Variants in OR3A2 observed in about 807,000 individuals in gnomAD.
The protein encoded by OR3A2 is olfactory receptor 3A2.
For synonymous variants in OR3A2, 126 were observed against 159.3 expected (o/e 0.79, Z 1.57); for missense variants, 318 against 392.8 (o/e 0.81, Z 1.61).
rs142406764 is a variant in OR3A2, at chr17:3,320,802, T to A, written c.-85+15231A>T. Among the ~76,000 whole-genome samples, 1,358 of 152,202 alleles carry A rather than the reference T, an allele frequency of 8.9e-3. 23 individuals carry two copies. Among genetic ancestry groups the A allele is most frequent in the African/African-American group, 0.031 (1,293 of 41,528 alleles). ...TGTAGCCTTGCAGTATAGTTGGAAGTCAGGTAGTGTGATGCCTCCAGCTTT... is the reference window on the plus strand; with the variant it reads ...TGTAGCCTTGCAGTATAGTTGGAAGACAGGTAGTGTGATGCCTCCAGCTTT... On this transcript the variant is annotated intron_variant, in intron 3 of 4. Transcript: ENST00000573491.
chr17:3,315,025 T>C (rs1037691173), intron 3 of OR3A2, among the ~76,000 whole-genome samples: 7 of 152,238 alleles, frequency 4.6e-5, no homozygotes, highest in African/African-American at 1.7e-4. Context: ...TTTCATTCCT[T>C]TTTATGGCTG....
chr17:3,341,663 G>A (rs2049320031), intron 2 of OR3A2, among the ~76,000 whole-genome samples: 1 of 152,160 alleles, frequency 6.6e-6, no homozygotes, highest in South Asian at 2.1e-4. Context: ...CCCTTTGTGG[G>A]TAACCCGACC....
At chr17:3,350,586 C>T (rs904725585) in intron 2 of OR3A2, among the ~76,000 whole-genome samples, 1 of 150,340 alleles carries the variant, frequency 6.7e-6, no homozygotes. Flanking sequence ...GGATTCACAG[C>T]CGAATTCTAC....
chr17:3,330,020 T>C (rs571776632), intron 3 of OR3A2, among the ~76,000 whole-genome samples: 2 of 147,206 alleles, frequency 1.4e-5, no homozygotes, highest in East Asian at 1.9e-4. Flanking sequence ...AGTTGAGCGG[T>C]TTTGAGTGAG....
At chr17:3,373,226 C>T (rs939205360) in intron 2 of OR3A2, among the ~76,000 whole-genome samples, 2 of 152,078 alleles carry the variant, frequency 1.3e-5, no homozygotes, top group African/African-American at 4.8e-5. Flanking sequence ...TGTGGTCGAT[C>T]TTGGAGAATG....
At chr17:3,277,907 C>G in exon 2 of OR3A2, 1 of 1,507,636 alleles carries the variant, frequency 6.6e-7, no homozygotes, top group Non-Finnish European at 8.9e-7. Flanking sequence ...TTCCTGGTTA[C>G]TGTCTTCATG....
rs564631161 is a variant in OR3A2 at position 3,360,369 on chromosome 17, C to G, written c.-179+23435G>C. On this transcript the variant is annotated intron_variant, in intron 2 of 4. Coordinates refer to the OR3A2 transcript ENST00000573491. ...AAATTTTCTCCTATTCTGTAGGTTG[C>G]CTGTTCACCCTGATGGTAGTTTCTT... 6.6e-5 allele frequency among the ~76,000 whole-genome samples: 10 copies of G among 151,698 alleles called. No individual in the cohort carries two copies. The South Asian group carries it at 1.5e-3, about 22-fold the overall frequency.
intron 1 of OR3A2, among the ~76,000 whole-genome samples, chr17:3,281,467 C>G (rs949438484): frequency 6.6e-6 from 1 of 152,016 alleles, no homozygotes; most frequent in South Asian, 2.1e-4. Flanking sequence ...ATCTCTTGAC[C>G]TTGTGATCCA....
rs139581087 is a variant in OR3A2, at chr17:3,379,245, A to C, written c.-179+4559T>G. Among the ~76,000 whole-genome samples, 578 of 152,306 alleles carry C rather than the reference A, an allele frequency of 3.8e-3. 5 individuals are homozygous for C. The highest frequency in any genetic ancestry group is 0.013 in the African/African-American group (551 of 41,568). ...GAGAGAACAAGACTGTCCTCAGGAG[A>C]AACTGGTCCAGCCTGGGAAGTTAGG... On this transcript the variant is annotated intron_variant, in intron 2 of 4. Coordinates refer to the OR3A2 transcript ENST00000573491.
At chr17:3,306,432 C>T (rs9915006) in intron 3 of OR3A2, among the ~76,000 whole-genome samples, 25,200 of 151,908 alleles carry the variant, frequency 0.17, 2,976 homozygotes, top group African/African-American at 0.33. Flanking sequence ...CACAAGCCAC[C>T]GCATCCAGCC....
At chr17:3,334,117 G>A (rs892120188) in intron 3 of OR3A2, among the ~76,000 whole-genome samples, 1 of 152,164 alleles carries the variant, frequency 6.6e-6, no homozygotes, top group Non-Finnish European at 1.5e-5. Context: ...AGATGCTGGC[G>A]AGGTTGCAGA....
At chr17:3,379,617 G>A (rs923282843) in intron 2 of OR3A2, among the ~76,000 whole-genome samples, 5 of 152,124 alleles carry the variant, frequency 3.3e-5, no homozygotes, top group African/African-American at 7.2e-5. Context: ...AAGGGCACCC[G>A]CAGCTCCACT....
At chr17:3,376,987 CATG>C (rs1220949167) in intron 2 of OR3A2, among the ~76,000 whole-genome samples, 2 of 152,214 alleles carry the variant, frequency 1.3e-5, no homozygotes, top group Non-Finnish European at 2.9e-5. Context: ...CCTTCTCTCC[CATG>C]ATCTGATTTT....
At chr17:3,292,720 C>T (rs561509622) in intron 3 of OR3A2, 38 of 699,302 alleles carry the variant, frequency 5.4e-5, no homozygotes, top group Admixed American at 4.7e-4. Context: ...AGGAATTTTG[C>T]GCTCCTTAGG....
At chr17:3,331,119 G>A (rs2049228841) in intron 3 of OR3A2, among the ~76,000 whole-genome samples, 2 of 152,122 alleles carry the variant, frequency 1.3e-5, no homozygotes, top group South Asian at 2.1e-4. Flanking sequence ...AGGGTAACCC[G>A]ACCTTTCTCT....
At chr17:3,337,321 A>T (rs1432455496) in intron 2 of OR3A2, among the ~76,000 whole-genome samples, 1 of 152,164 alleles carries the variant, frequency 6.6e-6, no homozygotes, top group African/African-American at 2.4e-5. Flanking sequence ...CATGTGCACA[A>T]CGTGCAGGTT....
chr17:3,313,345 T>C (rs2049059188), intron 3 of OR3A2, among the ~76,000 whole-genome samples: 1 of 152,212 alleles, frequency 6.6e-6, no homozygotes, highest in South Asian at 2.1e-4. Flanking sequence ...AGCCATCCGT[T>C]GGGTCCCACT....
At chr17:3,305,503 C>T (rs1421147314) in intron 3 of OR3A2, among the ~76,000 whole-genome samples, 1 of 152,076 alleles carries the variant, frequency 6.6e-6, no homozygotes, top group African/African-American at 2.4e-5. Flanking sequence ...AGACGAGATC[C>T]TTGCACAAAT....
At chr17:3,295,809 G>A (rs540241740) in intron 3 of OR3A2, among the ~76,000 whole-genome samples, 95 of 152,148 alleles carry the variant, frequency 6.2e-4, no homozygotes, top group Admixed American at 1.2e-3. Flanking sequence ...ATTCAAAAAA[G>A]TCAGTAAATG....
Sources: gnomAD v4.1 joint callset for allele counts (sites outside exome capture counted in the v4.1 genomes callset) on GRCh38, gnomAD v4.1.1 for gene constraint, MANE v1.5 for transcripts, NCBI Gene and HGNC (gene_info 2026-07-23, HGNC 2026-07-21) for gene names.